Variants in SLIT3 observed in about 807,000 individuals in gnomAD.
The protein encoded by SLIT3 is slit homolog 3 protein.
SLIT3 carries 68 observed loss-of-function variants against 184.0 expected under a neutral mutation model. The observed-to-expected ratio is 0.37, with a 90% CI of 0.30 to 0.45. The LOEUF is 0.45. Among genes scored for constraint, SLIT3 ranks in the 20% least tolerant of loss-of-function variants. SLIT3 has a pLI of 1.00. For missense variants in SLIT3, 1,707 were observed against 2,026.0 expected, an observed-to-expected ratio of 0.84 and a Z score of 3.02; for synonymous variants, 831 against 828.6, an observed-to-expected ratio of 1.00 and a Z score of -0.05.
chr5:168,722,017 T>G (rs1466153832), intron 23 of SLIT3, among the ~76,000 whole-genome samples: 7 of 152,166 alleles, frequency 4.6e-5, no homozygotes, highest in Admixed American at 1.3e-4. Context: ...AAGCAGAAAG[T>G]TGAAGGGGCT....
At chr5:168,754,875 C>T (rs1328029942) in intron 16 of SLIT3, among the ~76,000 whole-genome samples, 2 of 152,112 alleles carry the variant, frequency 1.3e-5, no homozygotes, top group Middle Eastern at 3.2e-3. Context: ...TATTTTCTGT[C>T]TTCATTAGAG....
At chr5:168,938,098 C>A (rs1431811705) in intron 4 of SLIT3, among the ~76,000 whole-genome samples, 1 of 152,186 alleles carries the variant, frequency 6.6e-6, no homozygotes, top group African/African-American at 2.4e-5. Context: ...ACCAATATAT[C>A]ACAACAATTT....
intron 4 of SLIT3, among the ~76,000 whole-genome samples, chr5:169,113,275 A>G (rs778478756): frequency 2.0e-5 from 3 of 152,186 alleles, no homozygotes; most frequent in South Asian, 4.1e-4. Flanking sequence ...TTCTGCTCCT[A>G]TGAATTTTCT....
chr5:168,930,740 C>G (rs1446029287), intron 4 of SLIT3, among the ~76,000 whole-genome samples: 1 of 152,038 alleles, frequency 6.6e-6, no homozygotes, highest in Non-Finnish European at 1.5e-5. Context: ...TGGCAGCTGA[C>G]ACCTGTGGCT....
At chr5:169,216,179 C>T (rs544599601) in intron 3 of SLIT3, among the ~76,000 whole-genome samples, 2 of 152,252 alleles carry the variant, frequency 1.3e-5, no homozygotes, top group Non-Finnish European at 2.9e-5. Context: ...CTCCCACCTG[C>T]CCTGATCAGC....
chr5:168,752,842 T>C, intron 18 of SLIT3, 113 bp downstream of exon 18: 1 of 1,113,182 alleles, frequency 9.0e-7, no homozygotes, highest in Non-Finnish European at 1.3e-6. Flanking sequence ...GACGAGTTTT[T>C]AAGTGGACAG....
At chr5:169,060,346 C>T (rs1758136620) in intron 4 of SLIT3, among the ~76,000 whole-genome samples, 1 of 152,134 alleles carries the variant, frequency 6.6e-6, no homozygotes, top group Non-Finnish European at 1.5e-5. Flanking sequence ...GAGCCAAGAT[C>T]GCACCATTGT....
chr5:168,962,371 CAG>C (rs1430845186), intron 4 of SLIT3, among the ~76,000 whole-genome samples: 4 of 151,464 alleles, frequency 2.6e-5, no homozygotes, highest in Non-Finnish European at 4.4e-5. Flanking sequence ...ACATATCTGT[CAG>C]AGACTTTTTC....
intron 5 of SLIT3, among the ~76,000 whole-genome samples, chr5:168,881,278 C>A (rs773053159): frequency 2.6e-5 from 4 of 152,092 alleles, no homozygotes; most frequent in African/African-American, 2.4e-5. Flanking sequence ...AGTCCTGAGG[C>A]CTTTGCGTAG....
intron 4 of SLIT3, among the ~76,000 whole-genome samples, chr5:169,142,084 T>TAA (rs1353124960): frequency 1.4e-4 from 5 of 36,484 alleles, no homozygotes; most frequent in African/African-American, 5.2e-4. Context: ...AAAATAAAAA[T>TAA]AAATAAATAA....
intron 6 of SLIT3, among the ~76,000 whole-genome samples, chr5:168,833,511 C>A: frequency 6.6e-6 from 1 of 152,260 alleles, no homozygotes; most frequent in South Asian, 2.1e-4. Context: ...ACTGGACAAT[C>A]TATTGGGCAC....
At chr5:168,744,426 A>C (rs1281169932) in intron 20 of SLIT3, among the ~76,000 whole-genome samples, 1 of 152,256 alleles carries the variant, frequency 6.6e-6, no homozygotes, top group African/African-American at 2.4e-5. Flanking sequence ...TGGCCACATT[A>C]AACAACAGAT....
chr5:168,858,351 C>T (rs919561161), intron 5 of SLIT3, among the ~76,000 whole-genome samples: 1 of 152,216 alleles, frequency 6.6e-6, no homozygotes, highest in Admixed American at 6.5e-5. Context: ...TCCTTTGTCT[C>T]CTTCAGAAAT....
intron 4 of SLIT3, among the ~76,000 whole-genome samples, chr5:169,053,652 C>T (rs1757887907): frequency 6.6e-6 from 1 of 152,136 alleles, no homozygotes; most frequent in African/African-American, 2.4e-5. Flanking sequence ...GTTTAGTTTC[C>T]ACCACTCACT....
intron 4 of SLIT3, among the ~76,000 whole-genome samples, chr5:169,047,516 AACCTACCCTTCCATCT>A: frequency 1.9e-5 from 1 of 53,882 alleles, no homozygotes; most frequent in Admixed American, 1.7e-4. Context: ...ACCTAGATGG[AACCTACCCTTCCATCT>A]GGAGACCTAG....
At chr5:168,688,197 C>G (rs1251664939) in intron 29 of SLIT3, among the ~76,000 whole-genome samples, 1 of 152,244 alleles carries the variant, frequency 6.6e-6, no homozygotes, top group Non-Finnish European at 1.5e-5. Flanking sequence ...CTTCTGCCTT[C>G]TGCAAAGCCT....
At chr5:169,150,512 CA>C (rs1454764762) in intron 4 of SLIT3, among the ~76,000 whole-genome samples, 1 of 137,634 alleles carries the variant, frequency 7.3e-6, no homozygotes, top group African/African-American at 3.1e-5. Flanking sequence ...CTATTTCACT[CA>C]CATACACACA....
intron 4 of SLIT3, among the ~76,000 whole-genome samples, chr5:168,892,270 T>C (rs1458372062): frequency 1.3e-5 from 2 of 152,246 alleles, no homozygotes; most frequent in Non-Finnish European, 2.9e-5. Context: ...GCATTCCTTT[T>C]TTCATTCCAA....
chr5:168,929,944 G>A (rs753692645), intron 4 of SLIT3, among the ~76,000 whole-genome samples: 9 of 152,194 alleles, frequency 5.9e-5, no homozygotes, highest in Non-Finnish European at 1.0e-4. Context: ...ATCTACCTTT[G>A]AGCTCAGTGT....
Sources: allele counts gnomAD v4.1 joint callset (sites outside exome capture counted in the v4.1 genomes callset), GRCh38; gene constraint gnomAD v4.1.1; transcripts MANE v1.5; gene names NCBI Gene and HGNC (gene_info 2026-07-23, HGNC 2026-07-21).